Variants in SESN3 observed in about 807,000 individuals in gnomAD.
SESN3 encodes the protein sestrin 3.
SESN3 carries 21 observed loss-of-function variants against 55.3 expected under a neutral mutation model. The ratio of observed to expected loss-of-function variants is 0.38; its 90% CI spans 0.27 to 0.55. SESN3 has a LOEUF of 0.55. Ranked by LOEUF, SESN3 falls within the 20% of genes least tolerant of loss-of-function variation. SESN3 has a pLI of 0.76. For synonymous variants in SESN3, 181 were observed against 203.1 expected, an observed-to-expected ratio of 0.89 and a Z score of 0.93; for missense variants, 408 against 604.3, an observed-to-expected ratio of 0.68 and a Z score of 3.41.
intron 1 of SESN3, chr11:95,224,410 T>C (rs781026753): frequency 2.6e-5 from 11 of 417,568 alleles, no homozygotes; most frequent in Non-Finnish European, 5.2e-5. Context: ...CTGACAACAA[T>C]CATTGTCAGT....
At chr11:95,173,443 A>G in intron 9 of SESN3, 102 bp from the exon 10 acceptor site, 1 of 542,578 alleles carries the variant, frequency 1.8e-6, no homozygotes. Flanking sequence ...AGCAATATAC[A>G]CACACACACA....
chr11:95,217,181 CAT>C (rs1331013865), intron 1 of SESN3, among the ~76,000 whole-genome samples: 1 of 151,480 alleles, frequency 6.6e-6, no homozygotes, highest in African/African-American at 2.4e-5. Flanking sequence ...TTTAAAACCA[CAT>C]GTGTTTAGAC....
At chr11:95,208,095 T>G (rs1463838407) in intron 1 of SESN3, among the ~76,000 whole-genome samples, 1 of 151,472 alleles carries the variant, frequency 6.6e-6, no homozygotes, top group Non-Finnish European at 1.5e-5. Context: ...TTTCCTTAGT[T>G]TTTTAAAAAA....
intron 9 of SESN3, among the ~76,000 whole-genome samples, chr11:95,174,468 A>T (rs1183841036): frequency 6.6e-6 from 1 of 152,126 alleles, no homozygotes; most frequent in African/African-American, 2.4e-5. Flanking sequence ...CTAAATTACC[A>T]AGTTTGGGTA....
At chr11:95,214,213 A>G (rs1860710238) in intron 1 of SESN3, among the ~76,000 whole-genome samples, 1 of 152,204 alleles carries the variant, frequency 6.6e-6, no homozygotes, top group South Asian at 2.1e-4. Context: ...AAGTAATTAC[A>G]TATGCTTCTG....
upstream of SESN3, chr11:95,231,872 ATGTC>A (rs2134280354): frequency 6.6e-6 from 1 of 152,318 alleles, no homozygotes; most frequent in Non-Finnish European, 1.5e-5. Context: ...TAGGGGATAA[ATGTC>A]TGAGTTATAT....
At chr11:95,186,789 T>C (rs597845) in intron 4 of SESN3, among the ~76,000 whole-genome samples, 57,175 of 151,566 alleles carry the variant, frequency 0.38, 11,113 homozygotes, top group East Asian at 0.58. Context: ...ATCATTATTA[T>C]AATCTGTAAT....
At chr11:95,184,658 A>C in intron 5 of SESN3, 64 bp from the exon 6 acceptor site, 7 of 1,445,326 alleles carry the variant, frequency 4.8e-6, no homozygotes, top group Non-Finnish European at 5.7e-6. Flanking sequence ...AAATATCTCC[A>C]TCTCCAAATG....
intron 4 of SESN3, among the ~76,000 whole-genome samples, chr11:95,188,686 C>T (rs564155623): frequency 6.6e-6 from 1 of 151,940 alleles, no homozygotes; most frequent in East Asian, 1.9e-4. Context: ...TCAAATGTTA[C>T]CTCTTTCAGA....
At chr11:95,193,323 T>C (rs761044853) in intron 2 of SESN3, 134 bp downstream of exon 2, 1 of 622,418 alleles carries the variant, frequency 1.6e-6, no homozygotes, top group Non-Finnish European at 2.8e-6. Context: ...AATATCTCCA[T>C]GGTTTTCTGA....
chr11:95,209,874 G>A (rs565802970), intron 1 of SESN3, among the ~76,000 whole-genome samples: 4 of 150,300 alleles, frequency 2.7e-5, no homozygotes, highest in Non-Finnish European at 4.4e-5. Context: ...AAAATCAGCC[G>A]GGTGTGGTGG....
At chr11:95,229,748 A>G (rs1861016400) in intron 1 of SESN3, among the ~76,000 whole-genome samples, 1 of 152,224 alleles carries the variant, frequency 6.6e-6, no homozygotes, top group African/African-American at 2.4e-5. Context: ...AAACGGTACC[A>G]TATTCATCTC....
At chr11:95,205,967 C>G (rs956667760) in intron 1 of SESN3, among the ~76,000 whole-genome samples, 3 of 152,068 alleles carry the variant, frequency 2.0e-5, no homozygotes, top group African/African-American at 4.8e-5. Context: ...GGCCCCTAAC[C>G]TAACTTTTCA....
At chr11:95,207,822 G>T (rs1860577739) in intron 1 of SESN3, among the ~76,000 whole-genome samples, 1 of 149,710 alleles carries the variant, frequency 6.7e-6, no homozygotes, top group Admixed American at 6.7e-5. Context: ...TATACTATAT[G>T]TTTTTTTTGT....
intron 7 of SESN3, 70 bp from the exon 8 acceptor site, chr11:95,177,979 T>C (rs1044741619): frequency 7.9e-5 from 85 of 1,079,866 alleles, no homozygotes; most frequent in Admixed American, 1.9e-4. Context: ...TTATTAAATA[T>C]AACTAATGAA....
rs866735127 is a variant in SESN3 at position 95,177,642 on chromosome 11, C to T, written c.1247+77G>A. 9 of 1,090,332 alleles carry T rather than the reference C, an allele frequency of 8.3e-6. No homozygotes were observed. In the African/African-American group the frequency reaches 1.5e-4, roughly 18 times the overall value. 67.5% of individuals were successfully genotyped at this position (1,090,332 alleles called of 1,614,324 possible). A position where few individuals can be genotyped will look rare whatever the true frequency, so the allele number is the denominator to read the frequency against. On this transcript the variant is annotated intron_variant, in intron 8 of 9. Coordinates refer to ENST00000536441, the MANE Select transcript of SESN3 (RefSeq NM_144665.4). ...ATTTTCTTCCCAGAGTCATATACTC[C>T]CAAACAGGACAAAAATAAGACTCAT...
In SESN3 at chr11:95,169,146, G is replaced by C. The variant is rs372274076; in HGVS notation, c.*4109C>G. The C allele has an allele frequency of 7.9e-5, 12 of 152,140 alleles. No homozygotes were observed. The highest frequency in any genetic ancestry group is 3.8e-4 in the East Asian group (2 of 5,196). 9.4% of individuals were successfully genotyped at this position (152,140 alleles called of 1,614,324 possible). A position where few individuals can be genotyped will look rare whatever the true frequency, so the allele number is the denominator to read the frequency against. The stretch of plus-strand genomic sequence containing the variant: ...TAGGTCTGCTAACTAAGCCAAATTA[G>C]CATTGAAATAAGCTCCACATACAGT... On this transcript the variant is annotated 3_prime_UTR_variant, in exon 10 of 10. Transcript: ENST00000536441.
chr11:95,218,939 G>A (rs112432611), intron 1 of SESN3, among the ~76,000 whole-genome samples: 122 of 152,118 alleles, frequency 8.0e-4, no homozygotes, highest in Admixed American at 1.6e-3. Context: ...GGCGTGAGCC[G>A]CCGCACCCGG....
intron 5 of SESN3, among the ~76,000 whole-genome samples, 161 bp from the exon 6 acceptor site, chr11:95,184,755 T>G (rs912537894): frequency 2.0e-5 from 3 of 152,110 alleles, no homozygotes; most frequent in Non-Finnish European, 4.4e-5. Flanking sequence ...CATGACAGAT[T>G]CCAACATTTT....
Sources: allele counts gnomAD v4.1 joint callset (sites outside exome capture counted in the v4.1 genomes callset), GRCh38; gene constraint gnomAD v4.1.1; transcripts MANE v1.5; gene names NCBI Gene and HGNC (gene_info 2026-07-23, HGNC 2026-07-21).